Variants in DOCK9 observed in about 807,000 individuals in gnomAD.
DOCK9 encodes the protein dedicator of cytokinesis protein 9.
DOCK9 carries 89 observed loss-of-function variants against 263.3 expected under a neutral mutation model. The observed-to-expected ratio is 0.34, with a 90% CI of 0.28 to 0.40. DOCK9 has a LOEUF of 0.40. Ranked by LOEUF, DOCK9 falls within the 10% of genes least tolerant of loss-of-function variation. The probability of loss-of-function intolerance (pLI) is 1.00; values close to 1 mark genes in which losing one functional copy is unlikely to be tolerated. For missense variants in DOCK9, 2,140 were observed against 2,603.4 expected (o/e 0.82, Z 3.87); for synonymous variants, 976 against 973.1 (o/e 1.00, Z -0.06).
At chr13:99,077,968 T>C (rs1452344611) in intron 1 of DOCK9, among the ~76,000 whole-genome samples, 2 of 152,154 alleles carry the variant, frequency 1.3e-5, no homozygotes, top group Non-Finnish European at 2.9e-5. Flanking sequence ...GTAGTGGTTC[T>C]TGAATGAGGA....
rs1305608926 is a variant in DOCK9, at chr13:99,053,433, A to G, written c.129+32790T>C. Among the ~76,000 whole-genome samples, 3 of 152,226 alleles carry G rather than the reference A, an allele frequency of 2.0e-5. No homozygotes were observed. The East Asian group carries it at 5.8e-4, about 29-fold the overall frequency. ...TAAAATAGCTCATTATGCTTCTAAG[A>G]AAAAAACTTAGAATATAAATTTAAT... On this transcript the variant is annotated intron_variant, in intron 1 of 32. Transcript: ENST00000427887.
In DOCK9 at chr13:98,880,577, G is replaced by A. The variant is rs780550158; in HGVS notation, c.2841C>T (p.Ala947=). The A allele has an allele frequency of 1.9e-5, 30 of 1,613,880 alleles. No individual in the cohort carries two copies. The highest frequency in any genetic ancestry group is 8.3e-5 in the Admixed American group (5 of 60,014). Residue 947 remains alanine, a synonymous_variant, in exon 26 of 53, where the codon GCC becomes GCT. Transcript: ENST00000682017. ...GTAGTTTGTTGCTGGTGAGGAAATCGGCAGAAGGCTTGAGAATCGTGGTCA... is the reference window on the plus strand; with the variant it reads ...GTAGTTTGTTGCTGGTGAGGAAATCAGCAGAAGGCTTGAGAATCGTGGTCA... ...KSMTTILKPS[A]DFLTSNKLLK... is the part of the protein sequence containing the mutation.
intron 1 of DOCK9, among the ~76,000 whole-genome samples, chr13:99,079,476 A>C (rs1178550077): frequency 6.6e-6 from 1 of 152,246 alleles, no homozygotes; most frequent in Non-Finnish European, 1.5e-5. Context: ...ATATTTAGTC[A>C]AGATAATCAA....
At chr13:98,865,214 G>A (rs1355859583) in intron 30 of DOCK9, among the ~76,000 whole-genome samples, 1 of 152,106 alleles carries the variant, frequency 6.6e-6, no homozygotes, top group Non-Finnish European at 1.5e-5. Flanking sequence ...CTACAGATGT[G>A]TACCAACACA....
At chr13:99,031,827 A>G (rs1277562722) in intron 1 of DOCK9, among the ~76,000 whole-genome samples, 2 of 152,196 alleles carry the variant, frequency 1.3e-5, no homozygotes, top group African/African-American at 4.8e-5. Flanking sequence ...AATGTTCCTG[A>G]TGAGAACCAG....
At chr13:98,971,511 T>C (rs1466267016) in intron 1 of DOCK9, among the ~76,000 whole-genome samples, 1 of 129,834 alleles carries the variant, frequency 7.7e-6, no homozygotes, top group African/African-American at 3.2e-5. Flanking sequence ...ATCGAGACCA[T>C]CCTGGCTAAC....
At chr13:98,958,153 T>C (rs2058266908) in intron 1 of DOCK9, among the ~76,000 whole-genome samples, 3 of 152,206 alleles carry the variant, frequency 2.0e-5, no homozygotes, top group African/African-American at 7.2e-5. Context: ...GCTTTGTTCC[T>C]ACAGCAGGGC....
At chr13:98,851,386 TTGAGGCTGGC>T (rs1566715897) in intron 35 of DOCK9, among the ~76,000 whole-genome samples, 1 of 152,210 alleles carries the variant, frequency 6.6e-6, no homozygotes, top group Non-Finnish European at 1.5e-5. Context: ...CTCTGGCTAC[TTGAGGCTGGC>T]CATCAGGGTA....
Position 98,868,392 on chromosome 13 carries a change from G to C in DOCK9, c.2944-15C>G. 7 of 1,602,070 alleles carry C rather than the reference G, an allele frequency of 4.4e-6. No individual in the cohort carries two copies. Among genetic ancestry groups the C allele is most frequent in the Non-Finnish European group, 6.0e-6 (7 of 1,173,896 alleles). On this transcript the variant is annotated splice_polypyrimidine_tract_variant and intron_variant, in intron 27 of 52. Coordinates refer to ENST00000682017, the MANE Select transcript of DOCK9 (RefSeq NM_001366683.2). Reference sequence around the variant, plus strand: ...TTTCGCAGCAACTAAAAAGAATTCAGAGCAAACATTTATTATTTATTAAGT... The same window carrying C: ...TTTCGCAGCAACTAAAAAGAATTCACAGCAAACATTTATTATTTATTAAGT...
At position 98,863,098 on chromosome 13, in the gene DOCK9, G is replaced by A; in HGVS notation, c.3500C>T (p.Pro1167Leu). 6.2e-7 allele frequency: 1 copy of A among 1,610,612 alleles called. No homozygotes were observed. Among genetic ancestry groups the A allele is most frequent in the Non-Finnish European group, 8.5e-7 (1 of 1,178,504 alleles). Reference protein sequence around the residue: ...HQARIATLYLPLFGLLIENVQ... With the variant: ...HQARIATLYLLLFGLLIENVQ... ...GTTTTCAATCAGCAGACCAAACAGA[G>A]GCAGGTAGAGGGTGGCTATCCTTGC... The change falls in exon 32 of 53, where the codon CCT (proline) becomes CTT (leucine). Residue 1167 changes from proline to leucine, a missense_variant. Transcript: ENST00000682017.
At chr13:98,884,935 G>A (rs771336753) in intron 21 of DOCK9, 36 bp downstream of exon 21, 16 of 1,590,444 alleles carry the variant, frequency 1.0e-5, no homozygotes, top group South Asian at 2.3e-5. Context: ...GTTTTCTGAA[G>A]AAATTGGGAT....
At chr13:98,819,622 G>A (rs2092138099) in intron 45 of DOCK9, among the ~76,000 whole-genome samples, 1 of 152,198 alleles carries the variant, frequency 6.6e-6, no homozygotes, top group African/African-American at 2.4e-5. Context: ...AAACTCCACT[G>A]GCCAAGTTCC....
chr13:99,040,072 G>A (rs1261174482), intron 1 of DOCK9, among the ~76,000 whole-genome samples: 1 of 152,096 alleles, frequency 6.6e-6, no homozygotes, highest in Non-Finnish European at 1.5e-5. Flanking sequence ...GTAATATTTG[G>A]AGACAGGTCC....
chr13:98,872,350 CTA>C (rs1040401615), intron 27 of DOCK9, among the ~76,000 whole-genome samples: 5 of 152,074 alleles, frequency 3.3e-5, no homozygotes, highest in African/African-American at 1.2e-4. Context: ...ATCAAGATCC[CTA>C]TGTTATTTCC....
chr13:98,889,484 G>A (rs758408854), intron 15 of DOCK9, among the ~76,000 whole-genome samples: 7 of 152,254 alleles, frequency 4.6e-5, no homozygotes, highest in South Asian at 2.1e-4. Context: ...GTTCAGAGTC[G>A]AAGCTCACTG....
rs2140223070 is a variant in DOCK9 at position 98,809,399 on chromosome 13, C to A, written c.5320G>T (p.Gly1774Cys). 4 of 1,613,730 alleles carry A rather than the reference C, an allele frequency of 2.5e-6. No homozygotes were observed. The highest frequency in any genetic ancestry group is 3.4e-6 in the Non-Finnish European group (4 of 1,179,840). ...YSKVTEVMHS[G>C]RRLLGTYFRV... Reference sequence around the variant, plus strand: ...AAGTAGGTCCCCAGAAGCCTGCGGCCCGAGTGCATGACCTCGGTCACTTTG... The same window carrying A: ...AAGTAGGTCCCCAGAAGCCTGCGGCACGAGTGCATGACCTCGGTCACTTTG... Residue 1774 changes from glycine to cysteine, a missense_variant, in exon 47 of 53, where the codon GGC (glycine) becomes TGC (cysteine). By Grantham distance (159) the Gly-to-Cys change is radical. Transcript: ENST00000682017.
At chr13:99,052,742 A>AG (rs1208771004) in intron 1 of DOCK9, among the ~76,000 whole-genome samples, 2 of 151,222 alleles carry the variant, frequency 1.3e-5, no homozygotes, top group Non-Finnish European at 2.9e-5. Flanking sequence ...CTGGGACTAT[A>AG]GACACATGCC....
chr13:99,008,238 T>A lies in DOCK9; in HGVS notation c.130-52687A>T, dbSNP rs866145734. ...TATATATATATATATATATATATTTTTTTTTTTTTTTGAGACGAAGTCTCA... is the reference window on the plus strand; with the variant it reads ...TATATATATATATATATATATATTTATTTTTTTTTTTGAGACGAAGTCTCA... On this transcript the variant is annotated intron_variant, in intron 1 of 32. Coordinates refer to the DOCK9 transcript ENST00000427887. Among the ~76,000 whole-genome samples the A allele has an allele frequency of 7.2e-4, 95 of 131,808 alleles. 1 individual carries two copies. Among genetic ancestry groups the A allele is most frequent in the African/African-American group, 1.9e-3 (68 of 36,140 alleles). The allele number at this position is 131,808 out of a possible 152,430, so 86.5% of individuals were successfully genotyped here. A position where few individuals can be genotyped will look rare whatever the true frequency, so the allele number is the denominator to read the frequency against.
At position 98,914,469 on chromosome 13, in the gene DOCK9, C is replaced by T. The variant is rs1181276300; in HGVS notation, c.893-74G>A. ...TCATTTGAAACAGGAGGAGGAAGGCCGTTTCTCTTAGGTGCCTTCAAATGA... is the reference window on the plus strand; with the variant it reads ...TCATTTGAAACAGGAGGAGGAAGGCTGTTTCTCTTAGGTGCCTTCAAATGA... On this transcript the variant is annotated intron_variant, in intron 8 of 52. Transcript: ENST00000682017. 17 of 1,368,844 alleles carry T rather than the reference C, an allele frequency of 1.2e-5. No homozygotes were observed. In the African/African-American group the frequency reaches 1.9e-4, roughly 15 times the overall value. 84.8% of individuals were successfully genotyped at this position (1,368,844 alleles called of 1,614,324 possible). A position where few individuals can be genotyped will look rare whatever the true frequency, so the allele number is the denominator to read the frequency against.
Sources: allele counts gnomAD v4.1 joint callset (sites outside exome capture counted in the v4.1 genomes callset), GRCh38; gene constraint gnomAD v4.1.1; transcripts MANE v1.5; gene names NCBI Gene and HGNC (gene_info 2026-07-23, HGNC 2026-07-21).